The following ENTPD5 variants were observed in gnomAD, a reference collection of about 807,000 sequenced individuals.
ENTPD5 encodes ectonucleoside triphosphate diphosphohydrolase 5 (inactive).
Under a neutral mutation model 60.2 loss-of-function variants are expected in ENTPD5, and 49 were observed. The observed-to-expected ratio is 0.81, with a 90% CI of 0.65 to 1.03. ENTPD5 has a LOEUF of 1.03. ENTPD5 is among the 50% of genes least tolerant of loss of function. ENTPD5 has a pLI of 0.00. For missense variants in ENTPD5, 480 were observed against 507.6 expected (o/e 0.95, Z 0.52); for synonymous variants, 187 against 185.4 (o/e 1.01, Z -0.07).
In ENTPD5 at chr14:73,977,373, A is replaced by T; in HGVS notation, c.443T>A (p.Val148Glu). 2.6e-6 allele frequency: 4 copies of T among 1,522,716 alleles called. No individual in the cohort carries two copies. Among genetic ancestry groups the T allele is most frequent in the Non-Finnish European group, 3.6e-6 (4 of 1,112,210 alleles). 94.3% of individuals were successfully genotyped at this position (1,522,716 alleles called of 1,614,324 possible). The part of the protein sequence containing the change: ...EHKAKALLFE[V>E]KEIFRKSPFL... ...AGGTGACTTCCTGAAGATCTCCTTT[A>T]CCTAGAGAAAAAGGAAAAAAAAAAA... is the stretch of plus-strand genomic sequence containing the variant. The change falls in exon 7 of 16, where the codon GTA (valine) becomes GAA (glutamate). Residue 148 changes from valine to glutamate, a missense_variant and splice_region_variant. By Grantham distance (121) the Val-to-Glu change is moderately radical. Transcript: ENST00000334696.
At chr14:73,995,998 T>C in intron 3 of ENTPD5, 1 of 218,624 alleles carries the variant, frequency 4.6e-6, no homozygotes, top group Non-Finnish European at 7.7e-6. Flanking sequence ...ACATGAATCC[T>C]CCCCACTCAG....
intron 3 of ENTPD5, among the ~76,000 whole-genome samples, chr14:74,004,802 T>C (rs1328527024): frequency 6.6e-6 from 1 of 152,130 alleles, no homozygotes; most frequent in Admixed American, 6.5e-5. Context: ...TTGGAAGTCA[T>C]ACACTATCAT....
At chr14:73,987,784 G>T in intron 4 of ENTPD5, 102 bp downstream of exon 4, 3 of 1,036,832 alleles carry the variant, frequency 2.9e-6, no homozygotes, top group East Asian at 2.6e-5. Context: ...CTAGGTGTGA[G>T]ATTCTGTAAT....
chr14:74,009,435 C>A (rs1021001274), intron 3 of ENTPD5, among the ~76,000 whole-genome samples: 1 of 152,156 alleles, frequency 6.6e-6, no homozygotes, highest in African/African-American at 2.4e-5. Context: ...TGAAAAATAG[C>A]TACTGCTTCA....
In ENTPD5 at chr14:74,003,305, C is replaced by A. The variant is rs114586863; in HGVS notation, c.-71+7786G>T. On this transcript the variant is annotated intron_variant, in intron 3 of 15. Transcript: ENST00000334696. Reference sequence around the variant, plus strand: ...GGTGTAACCCAAGAACCTAGAAGAGCGTCCAAGGTGGAATTCAATAAAAAC... The same window carrying A: ...GGTGTAACCCAAGAACCTAGAAGAGAGTCCAAGGTGGAATTCAATAAAAAC... The A allele has an allele frequency of 4.3e-3, 1,852 of 428,896 alleles. 47 individuals are homozygous for A. The highest frequency in any genetic ancestry group is 0.035 in the African/African-American group (1,733 of 48,962). 26.6% of individuals were successfully genotyped at this position (428,896 alleles called of 1,614,324 possible).
chr14:73,958,545 T>A (rs1188783923), downstream of ENTPD5: 58 of 1,315,884 alleles, frequency 4.4e-5, no homozygotes, highest in Non-Finnish European at 2.1e-5. Context: ...GAATGGAGGC[T>A]GTTCTTTCCC....
At chr14:73,987,865 A>T (rs201979926) in intron 4 of ENTPD5, 21 bp downstream of exon 4, 13 of 1,612,658 alleles carry the variant, frequency 8.1e-6, no homozygotes, top group Non-Finnish European at 1.1e-5. Context: ...AGACTCTACT[A>T]AGGGTCCCAG....
At chr14:73,982,904 T>C in intron 6 of ENTPD5, 114 bp downstream of exon 6, 3 of 1,043,964 alleles carry the variant, frequency 2.9e-6, no homozygotes, top group Non-Finnish European at 4.2e-6. Flanking sequence ...TCACAATGCT[T>C]TGGCAGTGGT....
chr14:73,985,097 T>G (rs949320788), intron 5 of ENTPD5, among the ~76,000 whole-genome samples: 1 of 152,236 alleles, frequency 6.6e-6, no homozygotes, highest in African/African-American at 2.4e-5. Flanking sequence ...CTACATAGTA[T>G]TCCATGGTGT....
chr14:73,979,183 T>G (rs918076915), intron 6 of ENTPD5, among the ~76,000 whole-genome samples: 2 of 152,138 alleles, frequency 1.3e-5, no homozygotes, highest in Non-Finnish European at 2.9e-5. Flanking sequence ...CCCTAAGATC[T>G]CTGATCAACT....
intron 2 of ENTPD5, among the ~76,000 whole-genome samples, chr14:74,011,397 TAA>T (rs2058841636): frequency 6.6e-6 from 1 of 152,132 alleles, no homozygotes; most frequent in African/African-American, 2.4e-5. Flanking sequence ...CCAGCTCATT[TAA>T]AAAGTCACCA....
downstream of ENTPD5, among the ~76,000 whole-genome samples, chr14:73,962,367 C>T (rs1009215390): frequency 2.6e-5 from 4 of 151,996 alleles, no homozygotes; most frequent in African/African-American, 7.3e-5. Flanking sequence ...TTACGGCCCA[C>T]ATCTAAGCAA....
chr14:73,986,066 C>T (rs1225565919), intron 5 of ENTPD5, among the ~76,000 whole-genome samples: 4 of 135,328 alleles, frequency 3.0e-5, no homozygotes, highest in South Asian at 5.5e-4. Flanking sequence ...AGTGATACTC[C>T]GTCAAAAAAA....
rs567054090 is a variant in ENTPD5 at position 73,974,474 on chromosome 14, A to G, written c.784+450T>C. 7.9e-5 allele frequency among the ~76,000 whole-genome samples: 12 copies of G among 152,352 alleles called. 1 individual carries two copies. Among genetic ancestry groups the G allele is most frequent in the African/African-American group, 2.9e-4 (12 of 41,584 alleles). ...TTAATGTGAGGAAAGGGGCACAGAT[A>G]GGTTACTTGCCTCATATCACAACAC... is the stretch of plus-strand genomic sequence containing the variant. On this transcript the variant is annotated intron_variant, in intron 11 of 15. Transcript: ENST00000334696.
chr14:73,973,907 C>T lies in ENTPD5; in HGVS notation c.856G>A (p.Val286Met). 1.2e-6 allele frequency: 2 copies of T among 1,614,154 alleles called. No individual in the cohort carries two copies. The highest frequency in any genetic ancestry group is 1.7e-6 in the Non-Finnish European group (2 of 1,180,008). Residue 286 changes from valine (V) to methionine (M), a missense_variant, in exon 12 of 16, where the codon GTG becomes ATG. Coordinates refer to ENST00000334696, the MANE Select transcript of ENTPD5 (RefSeq NM_001249.5). ...TGGTTGCCACCATACTGGTATTTCACACCCCCAAAGATCCACTCTGCTTCC... is the reference window on the plus strand; with the variant it reads ...TGGTTGCCACCATACTGGTATTTCATACCCCCAAAGATCCACTCTGCTTCC... ...WLEAEWIFGG[V>M]KYQYGGNQEG...
At chr14:73,989,250 G>A (rs746469578) in intron 3 of ENTPD5, among the ~76,000 whole-genome samples, 2 of 152,014 alleles carry the variant, frequency 1.3e-5, no homozygotes, top group East Asian at 1.9e-4. Context: ...GCAACATAGC[G>A]AGAGCCCTGT....
chr14:74,015,778 G>A (rs1438977867), intron 2 of ENTPD5, 46 bp downstream of exon 2: 3 of 152,044 alleles, frequency 2.0e-5, no homozygotes, highest in East Asian at 3.9e-4. Flanking sequence ...CACCATTCAG[G>A]AACATTTGAA....
intron 2 of ENTPD5, among the ~76,000 whole-genome samples, chr14:74,012,924 G>A (rs2058889901): frequency 6.6e-6 from 1 of 152,180 alleles, no homozygotes; most frequent in South Asian, 2.1e-4. Flanking sequence ...TAGTCTGCAG[G>A]ATAAAAGACA....
chr14:73,984,713 T>A (rs182239082), intron 5 of ENTPD5, among the ~76,000 whole-genome samples: 131 of 152,162 alleles, frequency 8.6e-4, no homozygotes, highest in Admixed American at 1.4e-3. Context: ...TTAATTAATT[T>A]ATTTATTTAC....
Sources: allele counts gnomAD v4.1 joint callset (sites outside exome capture counted in the v4.1 genomes callset), GRCh38; gene constraint gnomAD v4.1.1; transcripts MANE v1.5; gene names NCBI Gene and HGNC (gene_info 2026-07-23, HGNC 2026-07-21).